The following EPHB1 variants were observed in gnomAD, a reference collection of about 807,000 sequenced individuals.
EPHB1 encodes ephrin type-B receptor 1.
EPHB1 carries 30 observed loss-of-function variants against 94.4 expected under a neutral mutation model. The ratio of observed to expected loss-of-function variants is 0.32; its 90% CI spans 0.24 to 0.43. The LOEUF is 0.43. Among genes scored for constraint, EPHB1 ranks in the 20% least tolerant of loss-of-function variants. The probability of loss-of-function intolerance (pLI) is 1.00; values close to 1 mark genes in which losing one functional copy is unlikely to be tolerated. For synonymous variants in EPHB1, 522 were observed against 489.1 expected (o/e 1.07, Z -0.89); for missense variants, 1,055 against 1,308.3 (o/e 0.81, Z 2.99).
chr3:134,940,988 C>T (rs1158914287), intron 2 of EPHB1, among the ~76,000 whole-genome samples: 1 of 152,194 alleles, frequency 6.6e-6, no homozygotes, highest in Non-Finnish European at 1.5e-5. Flanking sequence ...GCCAAAAAGC[C>T]TATTTCAATT....
In EPHB1 at chr3:135,201,482, C is replaced by T. The variant is rs377212912; in HGVS notation, c.2139C>T (p.Asp713=). 44 of 1,613,954 alleles carry T rather than the reference C, an allele frequency of 2.7e-5. No individual in the cohort carries two copies. The highest frequency in any genetic ancestry group is 1.6e-4 in the Middle Eastern group (1 of 6,062). The part of the protein sequence containing the change: ...GALDSFLRQN[D]GQFTVIQLVG... ...TCTATGTCTTATTACAGCAAAATGA[C>T]GGGCAGTTCACCGTGATCCAGCTTG... Residue 713 remains aspartate (D), a synonymous_variant, in exon 12 of 16, where the codon GAC becomes GAT. Coordinates refer to ENST00000398015, the MANE Select transcript of EPHB1 (RefSeq NM_004441.5).
rs142801089 is a variant in EPHB1 at position 135,124,799 on chromosome 3, A to G, written c.962-7915A>G. On this transcript the variant is annotated intron_variant, in intron 4 of 15. Transcript: ENST00000398015. Reference sequence around the variant, plus strand: ...CATGGCTGTTAGAAAAAGTAGACCAACATGATTTCCCTGAGCTTTAATGCC... The same window carrying G: ...CATGGCTGTTAGAAAAAGTAGACCAGCATGATTTCCCTGAGCTTTAATGCC... Among the ~76,000 whole-genome samples, 1,068 of 151,638 alleles carry G rather than the reference A, an allele frequency of 7.0e-3. 53 individuals are homozygous for G. Among genetic ancestry groups the G allele is most frequent in the African/African-American group, 0.025 (1,008 of 40,978 alleles).
intron 12 of EPHB1, among the ~76,000 whole-genome samples, chr3:135,233,125 C>A (rs1227939649): frequency 1.3e-5 from 2 of 152,198 alleles, no homozygotes; most frequent in Non-Finnish European, 2.9e-5. Flanking sequence ...GGCAGTCCCC[C>A]AAAATCTTAA....
At chr3:134,828,147 G>C (rs753866594) in intron 1 of EPHB1, among the ~76,000 whole-genome samples, 1 of 152,136 alleles carries the variant, frequency 6.6e-6, no homozygotes, top group African/African-American at 2.4e-5. Context: ...AGGGAAGTTG[G>C]CCCATTGGAT....
chr3:134,911,887 C>T (rs554572188), intron 1 of EPHB1, among the ~76,000 whole-genome samples: 37 of 152,288 alleles, frequency 2.4e-4, no homozygotes, highest in Non-Finnish European at 3.7e-4. Flanking sequence ...GCCATCCCAC[C>T]CAGGGATCCT....
intron 3 of EPHB1, among the ~76,000 whole-genome samples, chr3:134,964,813 C>G (rs767320955): frequency 6.6e-6 from 1 of 152,100 alleles, no homozygotes; most frequent in East Asian, 1.9e-4. Flanking sequence ...AGACTTGTTT[C>G]GAAAAGAGGG....
intron 3 of EPHB1, among the ~76,000 whole-genome samples, chr3:134,991,112 T>C (rs1172496905): frequency 6.6e-6 from 1 of 152,222 alleles, no homozygotes; most frequent in South Asian, 2.1e-4. Flanking sequence ...GCCCTGCCGT[T>C]TCTTTTCATT....
At chr3:135,048,166 G>A (rs1015465090) in intron 3 of EPHB1, among the ~76,000 whole-genome samples, 5 of 149,052 alleles carry the variant, frequency 3.4e-5, no homozygotes, top group African/African-American at 1.2e-4. Flanking sequence ...GGAGGGAAGG[G>A]AATCCTCCCT....
intron 3 of EPHB1, among the ~76,000 whole-genome samples, chr3:135,000,011 G>A (rs909095649): frequency 6.6e-6 from 1 of 152,180 alleles, no homozygotes. Context: ...TCCTTGTCCT[G>A]GGTCCTCTGG....
At chr3:134,988,468 G>T (rs1205784986) in intron 3 of EPHB1, among the ~76,000 whole-genome samples, 1 of 152,070 alleles carries the variant, frequency 6.6e-6, no homozygotes, top group Non-Finnish European at 1.5e-5. Flanking sequence ...AACATAAGCA[G>T]AACTAATGAC....
intron 4 of EPHB1, among the ~76,000 whole-genome samples, chr3:135,111,568 C>T (rs1212905692): frequency 6.6e-6 from 1 of 152,082 alleles, no homozygotes; most frequent in African/African-American, 2.4e-5. Context: ...GGGGTGGGGT[C>T]TGATGTGAGT....
intron 1 of EPHB1, among the ~76,000 whole-genome samples, chr3:134,798,330 G>T (rs1037393393): frequency 2.0e-5 from 3 of 152,186 alleles, no homozygotes; most frequent in African/African-American, 7.2e-5. Context: ...CCCCCTGCCT[G>T]GGTGGAAGGA....
intron 2 of EPHB1, among the ~76,000 whole-genome samples, chr3:134,945,278 T>C (rs925253037): frequency 6.6e-6 from 1 of 152,184 alleles, no homozygotes; most frequent in South Asian, 2.1e-4. Context: ...TATCAATATG[T>C]TTATTTATGG....
At chr3:135,212,872 A>T (rs141455497) in intron 12 of EPHB1, among the ~76,000 whole-genome samples, 178 of 152,332 alleles carry the variant, frequency 1.2e-3, no homozygotes, top group African/African-American at 4.0e-3. Flanking sequence ...TGTTTGCTAG[A>T]GTCCATTTGT....
At chr3:134,927,190 C>T (rs897292355) in intron 2 of EPHB1, among the ~76,000 whole-genome samples, 1 of 152,212 alleles carries the variant, frequency 6.6e-6, no homozygotes, top group African/African-American at 2.4e-5. Flanking sequence ...ACATCATCAC[C>T]ATGCCCTGGT....
rs1424213544 is a variant in EPHB1 at position 135,076,260 on chromosome 3, T to TATATATATATATATATATATATAA, written c.806-30187_806-30186insTATATATATATATATATATATAAA. Among the ~76,000 whole-genome samples the TATATATATATATATATATATATAA allele has an allele frequency of 3.8e-3, 395 of 104,166 alleles. 16 individuals carry two copies. The highest frequency in any genetic ancestry group is 0.014 in the African/African-American group (374 of 27,482). 68.3% of individuals were successfully genotyped at this position (104,166 alleles called of 152,430 possible). A position where few individuals can be genotyped will look rare whatever the true frequency, so the allele number is the denominator to read the frequency against. ...ATATATATATATATATATATATATA[T>TATATATATATATATATATATATAA]AACTCTTAAATGCATTAGTAAAAAG... On this transcript the variant is annotated intron_variant, in intron 3 of 15. Coordinates refer to ENST00000398015, the MANE Select transcript of EPHB1 (RefSeq NM_004441.5).
intron 9 of EPHB1, among the ~76,000 whole-genome samples, chr3:135,173,443 CCCCAAA>C (rs1941875279): frequency 6.6e-6 from 1 of 152,064 alleles, no homozygotes; most frequent in Non-Finnish European, 1.5e-5. Flanking sequence ...GTGGTAAAAC[CCCCAAA>C]CACAAAGTGT....
chr3:135,232,673 A>G (rs1943561776), intron 12 of EPHB1, among the ~76,000 whole-genome samples: 1 of 152,186 alleles, frequency 6.6e-6, no homozygotes, highest in Non-Finnish European at 1.5e-5. Context: ...ATGTTGAAAA[A>G]TATTTGCTGT....
chr3:135,099,158 A>C (rs138911217), intron 3 of EPHB1, among the ~76,000 whole-genome samples: 60 of 152,114 alleles, frequency 3.9e-4, no homozygotes, highest in African/African-American at 1.4e-3. Flanking sequence ...TTATCACAGC[A>C]GTCCTTCAGT....
Sources: allele counts gnomAD v4.1 joint callset (sites outside exome capture counted in the v4.1 genomes callset), GRCh38; gene constraint gnomAD v4.1.1; transcripts MANE v1.5; gene names NCBI Gene and HGNC (gene_info 2026-07-23, HGNC 2026-07-21).